TRPM3: variants seen among roughly 807,000 people sequenced by gnomAD.
TRPM3 encodes the protein long transient receptor potential channel 3.
A neutral mutation model predicts 181.2 loss-of-function variants in TRPM3; 77 were observed. That is an observed-to-expected ratio of 0.42 (90% confidence interval 0.35 to 0.51). TRPM3 has a LOEUF of 0.51. Ranked by LOEUF, TRPM3 falls within the 20% of genes least tolerant of loss-of-function variation. TRPM3 has a pLI of 0.01. For synonymous variants in TRPM3, 745 were observed against 796.4 expected, an observed-to-expected ratio of 0.94 and a Z score of 1.09; for missense variants, 1,759 against 2,196.7, an observed-to-expected ratio of 0.80 and a Z score of 3.98.
chr9:71,231,657 T>C (rs1342584287), intron 1 of TRPM3, among the ~76,000 whole-genome samples: 2 of 152,226 alleles, frequency 1.3e-5, no homozygotes, highest in African/African-American at 4.8e-5. Context: ...GAGGCCATTA[T>C]CCTAAGTAAA....
Position 71,101,960 on chromosome 9 carries a change from C to T in TRPM3, c.177+19218G>A, listed in dbSNP as rs7853618. ...AGAAGCAATTAAATCAAAACTATTC[C>T]AGCTTTCCTTTTAGAGGAATACCTC... On this transcript the variant is annotated intron_variant, in intron 1 of 25. Coordinates refer to ENST00000677713, the MANE Select transcript of TRPM3 (RefSeq NM_001366145.2). 2.5e-3 allele frequency among the ~76,000 whole-genome samples: 375 copies of T among 152,294 alleles called. 2 individuals are homozygous for T. The highest frequency in any genetic ancestry group is 8.0e-3 in the Admixed American group (123 of 15,282).
intron 6 of TRPM3, chr9:70,825,554 T>C (rs2131647374): frequency 6.6e-6 from 1 of 152,320 alleles, no homozygotes; most frequent in South Asian, 2.1e-4. Flanking sequence ...TTTCCATAAA[T>C]GGAATGTGAT....
intron 1 of TRPM3, among the ~76,000 whole-genome samples, chr9:71,350,731 T>G (rs975132370): frequency 3.3e-5 from 5 of 152,220 alleles, no homozygotes; most frequent in African/African-American, 9.6e-5. Flanking sequence ...TTCCATCATA[T>G]GAAATTGCCA....
chr9:70,808,821 T>G (rs17055861), intron 6 of TRPM3, among the ~76,000 whole-genome samples: 46,669 of 152,084 alleles, frequency 0.31, 8,563 homozygotes, highest in African/African-American at 0.51. Flanking sequence ...CCTTGACTGT[T>G]TGAGGCAGTA....
chr9:70,809,310 A>G (rs2091391552), intron 6 of TRPM3, among the ~76,000 whole-genome samples: 1 of 152,220 alleles, frequency 6.6e-6, no homozygotes, highest in South Asian at 2.1e-4. Flanking sequence ...AATTTAGTAT[A>G]GCCTAATTAT....
chr9:71,036,361 T>C (rs2058204563), intron 1 of TRPM3, among the ~76,000 whole-genome samples: 1 of 152,226 alleles, frequency 6.6e-6, no homozygotes, highest in South Asian at 2.1e-4. Flanking sequence ...CTGTAAATTC[T>C]GCCTCTTCAA....
chr9:71,337,680 C>A (rs1471757078), intron 1 of TRPM3, among the ~76,000 whole-genome samples: 1 of 152,120 alleles, frequency 6.6e-6, no homozygotes, highest in African/African-American at 2.4e-5. Context: ...TTGGAACCAA[C>A]CCAAATTCCC....
chr9:71,194,559 A>G (rs2135029063), intron 1 of TRPM3, among the ~76,000 whole-genome samples: 1 of 152,010 alleles, frequency 6.6e-6, no homozygotes, highest in South Asian at 2.1e-4. Flanking sequence ...GAAGATGGAA[A>G]GACACTGGGT....
intron 5 of TRPM3, among the ~76,000 whole-genome samples, chr9:70,840,743 T>C (rs747518870): frequency 1.3e-5 from 2 of 152,172 alleles, no homozygotes; most frequent in Non-Finnish European, 1.5e-5. Flanking sequence ...AATTACTGTC[T>C]TTCTGCAATC....
intron 1 of TRPM3, among the ~76,000 whole-genome samples, chr9:70,905,663 A>G (rs915075681): frequency 1.3e-5 from 2 of 152,204 alleles, no homozygotes; most frequent in African/African-American, 4.8e-5. Flanking sequence ...TGTCATCTCT[A>G]TAATAACAAT....
upstream of TRPM3, chr9:71,121,673 G>A: frequency 9.1e-7 from 1 of 1,104,686 alleles, no homozygotes; most frequent in Non-Finnish European, 1.1e-6. Context: ...AGGCGTTGGG[G>A]GGGAACCGGG....
intron 1 of TRPM3, among the ~76,000 whole-genome samples, chr9:71,180,458 T>G (rs1003324883): frequency 2.0e-5 from 3 of 152,180 alleles, no homozygotes; most frequent in Non-Finnish European, 2.9e-5. Flanking sequence ...AGAATCCATT[T>G]TTAGGAGGAA....
intron 22 of TRPM3, among the ~76,000 whole-genome samples, chr9:70,578,958 G>C (rs1001399327): frequency 2.0e-5 from 3 of 152,132 alleles, no homozygotes; most frequent in Non-Finnish European, 2.9e-5. Flanking sequence ...ATACTTTCAG[G>C]GAGTGCCAAA....
chr9:70,857,120 T>C (rs905755934), intron 3 of TRPM3, among the ~76,000 whole-genome samples: 1 of 152,166 alleles, frequency 6.6e-6, no homozygotes, highest in Admixed American at 6.5e-5. Context: ...TTTTGCCTCT[T>C]ATTATCTTCT....
At chr9:71,168,307 G>A (rs971434604) in intron 1 of TRPM3, among the ~76,000 whole-genome samples, 19 of 151,960 alleles carry the variant, frequency 1.3e-4, no homozygotes, top group African/African-American at 4.6e-4. Flanking sequence ...GTACTTGTTA[G>A]TATCAAAGAA....
intron 1 of TRPM3, among the ~76,000 whole-genome samples, chr9:71,099,465 C>T (rs1052581451): frequency 6.6e-6 from 1 of 152,154 alleles, no homozygotes; most frequent in Non-Finnish European, 1.5e-5. Flanking sequence ...TCTCACGTCT[C>T]ACCATTATAT....
intron 1 of TRPM3, among the ~76,000 whole-genome samples, chr9:71,094,706 G>A (rs1008867106): frequency 2.0e-5 from 3 of 151,846 alleles, no homozygotes; most frequent in East Asian, 1.9e-4. Context: ...GAATGCATTC[G>A]GTGCATAAAA....
intron 8 of TRPM3, among the ~76,000 whole-genome samples, chr9:70,753,145 C>G (rs1465425684): frequency 6.6e-6 from 1 of 151,964 alleles, no homozygotes; most frequent in Non-Finnish European, 1.5e-5. Flanking sequence ...GTTCACACAA[C>G]AATGAAATAG....
At chr9:71,428,089 T>A (rs2093897001) in intron 1 of TRPM3, among the ~76,000 whole-genome samples, 1 of 151,898 alleles carries the variant, frequency 6.6e-6, no homozygotes, top group African/African-American at 2.4e-5. Context: ...GTTGTTGTTG[T>A]TTGTTTTTTG....
Sources: allele counts gnomAD v4.1 joint callset (sites outside exome capture counted in the v4.1 genomes callset), GRCh38; gene constraint gnomAD v4.1.1; transcripts MANE v1.5; gene names NCBI Gene and HGNC (gene_info 2026-07-23, HGNC 2026-07-21).